Variants in BAZ1A observed in about 807,000 individuals in gnomAD.
BAZ1A encodes bromodomain adjacent to zinc finger domain 1A.
BAZ1A carries 50 observed loss-of-function variants against 185.2 expected under a neutral mutation model. The observed-to-expected ratio is 0.27, with a 90% CI of 0.22 to 0.34. The LOEUF is 0.34. Ranked by LOEUF, BAZ1A falls within the 10% of genes least tolerant of loss-of-function variation. BAZ1A has a pLI of 1.00. For missense variants in BAZ1A, 1,356 were observed against 1,839.9 expected (o/e 0.74, Z 4.81); for synonymous variants, 571 against 615.6 (o/e 0.93, Z 1.07).
intron 17 of BAZ1A, among the ~76,000 whole-genome samples, chr14:34,778,365 T>C (rs1173354490): frequency 1.3e-5 from 2 of 152,240 alleles, no homozygotes; most frequent in Non-Finnish European, 2.9e-5. Flanking sequence ...TTTGACAGTA[T>C]GTTGGAATTA....
Position 34,773,588 on chromosome 14 carries a change from C to T in BAZ1A, c.3136G>A (p.Val1046Ile), listed in dbSNP as rs145561892. Residue 1046 changes from valine (V) to isoleucine (I), a missense_variant, in exon 20 of 27, where the codon GTC becomes ATC. Coordinates refer to ENST00000360310, the MANE Select transcript of BAZ1A (RefSeq NM_013448.3). ...TTTTTGTACCTGTCTTTTACTATGA[C>T]CTTTGTTTGTTCATCAATTTCCATC... ...EEMEIDEQTK[V>I]IVKDRLLGIK... The T allele has an allele frequency of 1.6e-5, 25 of 1,608,092 alleles. No homozygotes were observed. Among genetic ancestry groups the T allele is most frequent in the Non-Finnish European group, 2.0e-5 (24 of 1,177,940 alleles).
At chr14:34,775,839 T>C (rs1879562895) in intron 18 of BAZ1A, 80 bp downstream of exon 18, 2 of 1,130,502 alleles carry the variant, frequency 1.8e-6, no homozygotes, top group Non-Finnish European at 2.5e-6. Flanking sequence ...TTCTAATAGG[T>C]TGCAAAAACG....
At chr14:34,779,962 A>T (rs1486536556) in intron 17 of BAZ1A, among the ~76,000 whole-genome samples, 1 of 152,248 alleles carries the variant, frequency 6.6e-6, no homozygotes, top group East Asian at 1.9e-4. Context: ...TTTCTAAAGT[A>T]TAGATGGTGT....
chr14:34,767,295 A>T (rs897737227), intron 21 of BAZ1A, among the ~76,000 whole-genome samples: 2 of 152,202 alleles, frequency 1.3e-5, no homozygotes, highest in African/African-American at 4.8e-5. Flanking sequence ...CACACCTGTA[A>T]TCCCAGCACT....
At chr14:34,764,534 T>A (rs8013484) in intron 23 of BAZ1A, among the ~76,000 whole-genome samples, 173 bp downstream of exon 23, 1 of 151,876 alleles carries the variant, frequency 6.6e-6, no homozygotes, top group Non-Finnish European at 1.5e-5. Context: ...TCAGGTGATC[T>A]GCCTGCCTCA....
intron 5 of BAZ1A, among the ~76,000 whole-genome samples, chr14:34,809,849 A>G (rs959642861): frequency 1.3e-5 from 2 of 152,202 alleles, no homozygotes; most frequent in African/African-American, 4.8e-5. Context: ...ACTGTGAATA[A>G]GGAAAATATC....
At chr14:34,846,779 C>T (rs777122713) in intron 3 of BAZ1A, among the ~76,000 whole-genome samples, 3 of 151,974 alleles carry the variant, frequency 2.0e-5, no homozygotes, top group Non-Finnish European at 4.4e-5. Flanking sequence ...GCAAACCTAA[C>T]GATATGTACC....
intron 23 of BAZ1A, among the ~76,000 whole-genome samples, chr14:34,763,410 G>A (rs1291534279): frequency 7.0e-6 from 1 of 143,292 alleles, no homozygotes; most frequent in Non-Finnish European, 1.5e-5. Flanking sequence ...CAAGAATGGG[G>A]TTCAAATGTT....
chr14:34,869,374 G>A (rs1456251995), intron 2 of BAZ1A, among the ~76,000 whole-genome samples: 2 of 152,152 alleles, frequency 1.3e-5, no homozygotes, highest in Non-Finnish European at 2.9e-5. Flanking sequence ...GAGAAACAAT[G>A]TCAGAAAAAC....
intron 2 of BAZ1A, among the ~76,000 whole-genome samples, chr14:34,865,679 C>T (rs1287697318): frequency 6.6e-6 from 1 of 152,086 alleles, no homozygotes; most frequent in Non-Finnish European, 1.5e-5. Flanking sequence ...TTATATGGCT[C>T]TTAATTCAGT....
Position 34,761,846 on chromosome 14 carries a change from C to T in BAZ1A, c.4154G>A (p.Ser1385Asn). ...PNFRVIATKS[S>N]EQSRSVNIAS... The stretch of plus-strand genomic sequence containing the variant: ...AATATTTACAGATCTTGACTGTTCA[C>T]TTGACTTTGTGGCAATGACTCTGAA... The change falls in exon 24 of 27, where the codon AGT becomes AAT. Residue 1385 changes from serine (S) to asparagine (N), a missense_variant. Physicochemically the swap from Ser to Asn is conservative, Grantham distance 46. Coordinates refer to ENST00000360310, the MANE Select transcript of BAZ1A (RefSeq NM_013448.3). The T allele has an allele frequency of 6.2e-7, 1 of 1,614,170 alleles. No homozygotes were observed. The highest frequency in any genetic ancestry group is 8.5e-7 in the Non-Finnish European group (1 of 1,180,032).
At chr14:34,803,204 C>T (rs571783204) in intron 6 of BAZ1A, among the ~76,000 whole-genome samples, 2 of 151,954 alleles carry the variant, frequency 1.3e-5, no homozygotes, top group African/African-American at 4.8e-5. Context: ...TATGGTGAAA[C>T]CCCATCTCTA....
intron 4 of BAZ1A, among the ~76,000 whole-genome samples, chr14:34,814,340 T>C (rs2041974850): frequency 6.6e-6 from 1 of 151,966 alleles, no homozygotes; most frequent in Admixed American, 6.6e-5. Flanking sequence ...AAAAATCTTA[T>C]TTCCCCCACA....
In BAZ1A at chr14:34,792,925, T is replaced by G; in HGVS notation, c.1364-4A>C. 3 of 1,597,186 alleles carry G rather than the reference T, an allele frequency of 1.9e-6. No homozygotes were observed. The highest frequency in any genetic ancestry group is 1.1e-5 in the South Asian group (1 of 87,490). On this transcript the variant is annotated splice_region_variant and splice_polypyrimidine_tract_variant and intron_variant, in intron 11 of 26. Coordinates refer to ENST00000360310, the MANE Select transcript of BAZ1A (RefSeq NM_013448.3). The stretch of plus-strand genomic sequence containing the variant: ...ACAAGAGCTTCCTCTAATACTTCTG[T>G]GAATAAAATGTTTAAAATGAATTTA...
At chr14:34,777,888 G>T (rs1248519742) in intron 17 of BAZ1A, among the ~76,000 whole-genome samples, 1 of 152,174 alleles carries the variant, frequency 6.6e-6, no homozygotes, top group Non-Finnish European at 1.5e-5. Context: ...CTACTCGGGA[G>T]GCTGAGGTAG....
At chr14:34,825,261 G>A (rs1348487188) in intron 4 of BAZ1A, among the ~76,000 whole-genome samples, 1 of 151,608 alleles carries the variant, frequency 6.6e-6, no homozygotes, top group Non-Finnish European at 1.5e-5. Flanking sequence ...CGAGACCAGC[G>A]TGACCAACAT....
At chr14:34,800,700 C>T (rs766206053) in intron 8 of BAZ1A, among the ~76,000 whole-genome samples, 3 of 152,174 alleles carry the variant, frequency 2.0e-5, no homozygotes, top group Non-Finnish European at 4.4e-5. Context: ...CATTCCCCCA[C>T]CAGACCTACT....
chr14:34,760,185 A>G (rs1404932569), intron 24 of BAZ1A, among the ~76,000 whole-genome samples: 1 of 152,196 alleles, frequency 6.6e-6, no homozygotes, highest in East Asian at 1.9e-4. Context: ...CAGGCTTAGC[A>G]ATTTCACAAA....
At chr14:34,758,930 A>G (rs1886388706) in intron 24 of BAZ1A, 84 bp from the exon 25 acceptor site, 2 of 1,379,630 alleles carry the variant, frequency 1.4e-6, no homozygotes, top group African/African-American at 2.9e-5. Flanking sequence ...ATAAATACCA[A>G]ATTCCAACAG....
Sources: allele counts gnomAD v4.1 joint callset (sites outside exome capture counted in the v4.1 genomes callset), GRCh38; gene constraint gnomAD v4.1.1; transcripts MANE v1.5; gene names NCBI Gene and HGNC (gene_info 2026-07-23, HGNC 2026-07-21).